EYS: variants seen among roughly 807,000 people sequenced by gnomAD.
EYS encodes the protein protein eyes shut homolog.
Under a neutral mutation model 282.1 loss-of-function variants are expected in EYS, and 250 were observed. That is an observed-to-expected ratio of 0.89 (90% confidence interval 0.80 to 0.98). EYS has a LOEUF of 0.98. Among genes scored for constraint, EYS ranks in the 50% least tolerant of loss-of-function variants. The pLI is 0.00. For missense variants in EYS, 4,016 were observed against 3,709.0 expected, an observed-to-expected ratio of 1.08 and a Z score of -2.15; for synonymous variants, 1,355 against 1,282.9, an observed-to-expected ratio of 1.06 and a Z score of -1.20.
At chr6:65,032,424 G>A (rs899607186) in intron 13 of EYS, among the ~76,000 whole-genome samples, 4 of 152,148 alleles carry the variant, frequency 2.6e-5, no homozygotes, top group African/African-American at 9.7e-5. Flanking sequence ...ATGGGGGCAG[G>A]TCCCTCATTG....
intron 12 of EYS, among the ~76,000 whole-genome samples, chr6:65,180,738 T>C (rs1266935778): frequency 2.1e-4 from 32 of 152,148 alleles, no homozygotes; most frequent in South Asian, 8.3e-4. Flanking sequence ...AAAAAGAGCC[T>C]GCATTGCCAA....
At chr6:64,766,577 AGCCAAGATCAT>A (rs907917711) in intron 22 of EYS, among the ~76,000 whole-genome samples, 2 of 139,440 alleles carry the variant, frequency 1.4e-5, no homozygotes, top group African/African-American at 5.3e-5. Context: ...GTTTGCAGTG[AGCCAAGATCAT>A]GCCATTGCAC....
At chr6:65,362,707 A>T (rs1373537056) in intron 8 of EYS, among the ~76,000 whole-genome samples, 1 of 151,912 alleles carries the variant, frequency 6.6e-6, no homozygotes. Flanking sequence ...TCCCCTTCTT[A>T]AATATATACA....
chr6:65,615,744 C>T (rs1215249238), intron 2 of EYS, among the ~76,000 whole-genome samples: 3 of 151,800 alleles, frequency 2.0e-5, no homozygotes, highest in Non-Finnish European at 2.9e-5. Flanking sequence ...GTCAACCTGG[C>T]TAACACGGTG....
intron 22 of EYS, chr6:64,728,811 G>A (rs1286084091): frequency 6.6e-6 from 1 of 152,240 alleles, no homozygotes; most frequent in Non-Finnish European, 1.5e-5. Context: ...CAGTGTCCAG[G>A]AAAAATCAGG....
intron 22 of EYS, among the ~76,000 whole-genome samples, chr6:64,675,365 T>C (rs1189315757): frequency 1.3e-5 from 2 of 152,072 alleles, no homozygotes; most frequent in Admixed American, 6.6e-5. Context: ...AAACTAAAGA[T>C]TCTGGTCATA....
intron 13 of EYS, among the ~76,000 whole-genome samples, chr6:65,045,604 C>T (rs969944469): frequency 6.6e-6 from 1 of 151,796 alleles, no homozygotes; most frequent in East Asian, 1.9e-4. Context: ...GAGAAGATAA[C>T]CACATATGAG....
intron 29 of EYS, among the ~76,000 whole-genome samples, chr6:64,332,026 G>A (rs959118763): frequency 6.6e-6 from 1 of 152,204 alleles, no homozygotes; most frequent in African/African-American, 2.4e-5. Context: ...GGTAGAGATA[G>A]TACAACAGCT....
chr6:64,565,146 C>T (rs7757403), intron 26 of EYS, among the ~76,000 whole-genome samples: 4,612 of 152,092 alleles, frequency 0.03, 155 homozygotes, highest in East Asian at 0.11. Flanking sequence ...TGTGCAGAAA[C>T]GTTTTAGTTT....
At chr6:64,812,663 A>C (rs760264895) in intron 22 of EYS, among the ~76,000 whole-genome samples, 12 of 152,050 alleles carry the variant, frequency 7.9e-5, no homozygotes, top group Non-Finnish European at 1.5e-4. Context: ...TCAGTAATTT[A>C]AGATATATGA....
chr6:64,098,196 A>G (rs1395188433), intron 31 of EYS, among the ~76,000 whole-genome samples: 2 of 152,198 alleles, frequency 1.3e-5, no homozygotes, highest in Non-Finnish European at 2.9e-5. Flanking sequence ...AATGTACTCA[A>G]GGAAGCATAT....
intron 30 of EYS, among the ~76,000 whole-genome samples, chr6:64,285,943 G>A (rs572566627): frequency 1.3e-5 from 2 of 152,174 alleles, no homozygotes; most frequent in African/African-American, 4.8e-5. Context: ...ATGAGATTTG[G>A]GTGGGGACAC....
intron 22 of EYS, among the ~76,000 whole-genome samples, chr6:64,761,807 A>G (rs1773169287): frequency 6.6e-6 from 1 of 152,210 alleles, no homozygotes; most frequent in Admixed American, 6.5e-5. Flanking sequence ...AGGTAAGCAC[A>G]GATAGGACAT....
At chr6:64,476,569 G>A (rs1325417523) in intron 26 of EYS, among the ~76,000 whole-genome samples, 3 of 151,686 alleles carry the variant, frequency 2.0e-5, no homozygotes, top group African/African-American at 4.8e-5. Context: ...TCTATTAATT[G>A]AAAAAAGGTG....
At chr6:64,172,891 C>T (rs1025416194) in intron 31 of EYS, among the ~76,000 whole-genome samples, 2 of 152,144 alleles carry the variant, frequency 1.3e-5, no homozygotes, top group African/African-American at 2.4e-5. Context: ...GAGCTTGTTT[C>T]GTCTCGAAAC....
intron 30 of EYS, among the ~76,000 whole-genome samples, chr6:64,265,876 C>T (rs149703961): frequency 2.2e-3 from 330 of 152,200 alleles, no homozygotes; most frequent in African/African-American, 7.2e-3. Context: ...GGAGTTAGCA[C>T]AGTGAATTAT....
intron 19 of EYS, among the ~76,000 whole-genome samples, chr6:64,874,451 C>T (rs1269444287): frequency 3.9e-5 from 6 of 152,048 alleles, no homozygotes; most frequent in African/African-American, 1.2e-4. Context: ...GCAGTATGCT[C>T]CATACCTGGG....
At chr6:64,508,462 G>A (rs1020360445) in intron 26 of EYS, among the ~76,000 whole-genome samples, 3 of 151,552 alleles carry the variant, frequency 2.0e-5, no homozygotes, top group African/African-American at 4.8e-5. Context: ...GTTTAAGAAC[G>A]AGCTCTAATT....
intron 8 of EYS, among the ~76,000 whole-genome samples, chr6:65,368,174 G>A (rs1764986825): frequency 6.6e-6 from 1 of 151,562 alleles, no homozygotes; most frequent in South Asian, 2.1e-4. Flanking sequence ...ACAGCAGCAT[G>A]GGGGTAACCG....
Sources: allele counts gnomAD v4.1 joint callset (sites outside exome capture counted in the v4.1 genomes callset), GRCh38; gene constraint gnomAD v4.1.1; transcripts MANE v1.5; gene names NCBI Gene and HGNC (gene_info 2026-07-23, HGNC 2026-07-21).